The following RYR3 variants were observed in gnomAD, a reference collection of about 807,000 sequenced individuals.
RYR3 encodes ryanodine receptor 3, also known as brain ryanodine receptor-calcium release channel.
Under a neutral mutation model 584.3 loss-of-function variants are expected in RYR3, and 207 were observed. That is an observed-to-expected ratio of 0.35 (90% CI 0.32 to 0.40). The LOEUF (loss-of-function observed/expected upper bound fraction) is 0.40. Among genes scored for constraint, RYR3 ranks in the 10% least tolerant of loss-of-function variants. The pLI, the probability that RYR3 is intolerant of heterozygous loss-of-function variation, is 1.00. For synonymous variants in RYR3, 2,416 were observed against 2,248.5 expected (o/e 1.07, Z -2.11); for missense variants, 5,616 against 6,089.2 (o/e 0.92, Z 2.59).
chr15:33,623,735 T>G, intron 19 of RYR3, 72 bp from the exon 20 acceptor site: 2 of 1,166,524 alleles, frequency 1.7e-6, no homozygotes, highest in Non-Finnish European at 2.5e-6. Flanking sequence ...GGGATTGATC[T>G]TTAATTTTCA....
chr15:33,371,974 C>G (rs977449395), intron 1 of RYR3, among the ~76,000 whole-genome samples: 61 of 152,226 alleles, frequency 4.0e-4, no homozygotes, highest in African/African-American at 1.4e-3. Context: ...TGGAAGGCCT[C>G]AACTGAAGAT....
chr15:33,857,862 A>G lies in RYR3; in HGVS notation c.14090A>G (p.Asn4697Ser). The change falls in exon 99 of 104, where the codon AAC becomes AGC. Residue 4697 changes from asparagine to serine, a missense_variant. Asn to Ser is a conservative substitution (Grantham distance 46). Coordinates refer to ENST00000634891, the MANE Select transcript of RYR3 (RefSeq NM_001036.6). ...VAFNFFRKFYNKSEDDDEPDM... is the reference protein window; with the variant it reads ...VAFNFFRKFYSKSEDDDEPDM... ...TTCAACTTCTTCCGCAAGTTCTACA[A>G]CAAAAGCGAAGACGATGACGAGCCC... 2 of 1,614,174 alleles carry G rather than the reference A, an allele frequency of 1.2e-6. No homozygotes were observed. The highest frequency in any genetic ancestry group is 1.7e-6 in the Non-Finnish European group (2 of 1,180,036).
At chr15:33,616,314 C>T (rs35902297) in intron 19 of RYR3, among the ~76,000 whole-genome samples, 71,415 of 152,028 alleles carry the variant, frequency 0.47, 17,332 homozygotes, top group Middle Eastern at 0.59. Flanking sequence ...TAGTTCATCC[C>T]TTCCGTCTCC....
intron 67 of RYR3, among the ~76,000 whole-genome samples, chr15:33,796,191 G>A (rs1335598374): frequency 1.3e-5 from 2 of 152,134 alleles, no homozygotes; most frequent in African/African-American, 4.8e-5. Context: ...CTGGAGTGCA[G>A]TGGCGCGATC....
intron 60 of RYR3, among the ~76,000 whole-genome samples, chr15:33,762,490 G>A (rs557198439): frequency 9.2e-5 from 14 of 152,146 alleles, no homozygotes; most frequent in Non-Finnish European, 1.9e-4. Flanking sequence ...CAAATCATGA[G>A]TGAACTCCCA....
At position 33,748,544 on chromosome 15, in the gene RYR3, G is replaced by A. The variant is rs1162964115; in HGVS notation, c.8199+14G>A. On this transcript the variant is annotated intron_variant, in intron 55 of 103. Transcript: ENST00000634891. ...AGAGAGCTCCAGGTCAGTGCCCCAG[G>A]TCCAGCATGACTTGCTTTCAAGTGC... 1.2e-6 allele frequency: 2 copies of A among 1,608,958 alleles called. No individual in the cohort carries two copies. Among genetic ancestry groups the A allele is most frequent in the Non-Finnish European group, 1.7e-6 (2 of 1,176,810 alleles).
At chr15:33,668,265 C>T (rs11072593) in intron 36 of RYR3, among the ~76,000 whole-genome samples, 53,245 of 151,642 alleles carry the variant, frequency 0.35, 10,615 homozygotes, top group Non-Finnish European at 0.46. Context: ...TGCAGTGAGC[C>T]GGGATTGTGC....
intron 55 of RYR3, among the ~76,000 whole-genome samples, chr15:33,749,003 T>TA (rs2152847107): frequency 6.6e-6 from 1 of 152,276 alleles, no homozygotes; most frequent in South Asian, 2.1e-4. Context: ...GCTTAGAGAA[T>TA]AATGACAAGA....
At position 33,698,012 on chromosome 15, in the gene RYR3, G is replaced by T. The variant is rs1186613844; in HGVS notation, c.6249+16G>T. 1 of 1,555,784 alleles carries T rather than the reference G, an allele frequency of 6.4e-7. No homozygotes were observed. The highest frequency in any genetic ancestry group is 1.1e-5 in the South Asian group (1 of 89,908). ...GAAATCTCAGGTAATGCTAAAAGGAGAACCTAGCCAGAACTTGTCCCTTGA... is the reference window on the plus strand; with the variant it reads ...GAAATCTCAGGTAATGCTAAAAGGATAACCTAGCCAGAACTTGTCCCTTGA... On this transcript the variant is annotated intron_variant, in intron 40 of 103. Coordinates refer to ENST00000634891, the MANE Select transcript of RYR3 (RefSeq NM_001036.6).
At chr15:33,578,729 C>T (rs1220311900) in intron 12 of RYR3, among the ~76,000 whole-genome samples, 1 of 151,118 alleles carries the variant, frequency 6.6e-6, no homozygotes, top group African/African-American at 2.4e-5. Flanking sequence ...GTGTAACAAA[C>T]CTGCACATCC....
intron 95 of RYR3, 101 bp from the exon 96 acceptor site, chr15:33,853,454 G>C: frequency 7.1e-7 from 1 of 1,417,484 alleles, no homozygotes; most frequent in Non-Finnish European, 9.4e-7. Context: ...CTACCCCTTG[G>C]AAGATTGCCC....
chr15:33,608,535 A>T (rs1241739529), intron 18 of RYR3, among the ~76,000 whole-genome samples: 1 of 152,206 alleles, frequency 6.6e-6, no homozygotes, highest in Non-Finnish European at 1.5e-5. Context: ...TCGTCAGATG[A>T]CCTTTTACAG....
At chr15:33,396,866 T>G (rs1425690980) in intron 1 of RYR3, among the ~76,000 whole-genome samples, 2 of 152,188 alleles carry the variant, frequency 1.3e-5, no homozygotes, top group Non-Finnish European at 2.9e-5. Flanking sequence ...CTTTTCTCCT[T>G]CAACCCCCCT....
At chr15:33,501,409 T>C (rs896932312) in intron 2 of RYR3, among the ~76,000 whole-genome samples, 7 of 152,176 alleles carry the variant, frequency 4.6e-5, no homozygotes, top group Admixed American at 2.6e-4. Context: ...AGGGTTTCTG[T>C]CTTAAAGAGA....
chr15:33,864,879 A>ATTGGTTTCAGTTTTGC, intron 103 of RYR3: 1 of 449,594 alleles, frequency 2.2e-6, no homozygotes, highest in East Asian at 3.4e-5. Flanking sequence ...GCAAACATTG[A>ATTGGTTTCAGTTTTGC]TTGGTTTCAG....
At chr15:33,384,528 A>G (rs1375246332) in intron 1 of RYR3, among the ~76,000 whole-genome samples, 1 of 146,192 alleles carries the variant, frequency 6.8e-6, no homozygotes, top group Non-Finnish European at 1.5e-5. Flanking sequence ...ATATAATAAT[A>G]TTAATTTAAT....
In RYR3 at chr15:33,311,108, C is replaced by CGGCGGG; in HGVS notation, c.51+17_51+22dup. On this transcript the variant is annotated intron_variant, in intron 1 of 103. Transcript: ENST00000634891. The surrounding 1 kb of genome is among the most constrained non-coding windows in gnomAD (Gnocchi z 4.4). Reference sequence around the variant, plus strand: ...AGTTTCTGAGGACTGTGAGTCTCCGCGGCGGGGGCGAGGCCGTGGGCAGGT... The same window carrying CGGCGGG: ...AGTTTCTGAGGACTGTGAGTCTCCGCGGCGGGGGCGGGGGCGAGGCCGTGGGCAGGT... The CGGCGGG allele has an allele frequency of 1.3e-6, 2 of 1,565,916 alleles. No homozygotes were observed. Among genetic ancestry groups the CGGCGGG allele is most frequent in the Middle Eastern group, 2.3e-4 (1 of 4,334 alleles).
At chr15:33,782,816 C>A (rs935015396) in intron 65 of RYR3, among the ~76,000 whole-genome samples, 13 of 152,280 alleles carry the variant, frequency 8.5e-5, no homozygotes, top group Admixed American at 5.9e-4. Flanking sequence ...CATCCTGGTG[C>A]ATTTTCTTCC....
At chr15:33,597,625 A>G (rs1472166692) in intron 16 of RYR3, among the ~76,000 whole-genome samples, 1 of 151,994 alleles carries the variant, frequency 6.6e-6, no homozygotes, top group African/African-American at 2.4e-5. Context: ...TCTCAAAAAA[A>G]AAAAAAAGAT....
Sources: gnomAD v4.1 joint callset for allele counts (sites outside exome capture counted in the v4.1 genomes callset) on GRCh38, gnomAD v4.1.1 for gene constraint, Gnocchi (gnomAD v3.1) non-coding constraint, MANE v1.5 for transcripts, NCBI Gene and HGNC (gene_info 2026-07-23, HGNC 2026-07-21) for gene names.